Variants in CELF2 observed in about 807,000 individuals in gnomAD.
CELF2 encodes CUG triplet repeat RNA-binding protein 2.
CELF2 carries 8 observed loss-of-function variants against 62.6 expected under a neutral mutation model. The ratio of observed to expected loss-of-function variants is 0.13; its 90% CI spans 0.07 to 0.23. CELF2 has a LOEUF of 0.23. Ranked by LOEUF, CELF2 falls within the 10% of genes least tolerant of loss-of-function variation. The probability of loss-of-function intolerance (pLI) is 1.00; values close to 1 mark genes in which losing one functional copy is unlikely to be tolerated. For missense variants in CELF2, 333 were observed against 671.0 expected (o/e 0.50, Z 5.56); for synonymous variants, 258 against 250.0 (o/e 1.03, Z -0.30).
the CELF2 span, among the ~76,000 whole-genome samples, chr10:10,657,458 A>T: frequency 6.6e-6 from 1 of 152,202 alleles, no homozygotes; most frequent in Non-Finnish European, 1.5e-5. Context: ...CCAGCCCAGT[A>T]CTTTAAATGC....
At chr10:11,274,981 G>A in intron 7 of CELF2, 76 bp from the exon 8 acceptor site, 2 of 1,390,284 alleles carry the variant, frequency 1.4e-6, no homozygotes, top group South Asian at 1.2e-5. Flanking sequence ...AGAGTAAACT[G>A]AATTTGTCCC....
chr10:10,468,344 T>C, the CELF2 span, among the ~76,000 whole-genome samples: 1 of 152,050 alleles, frequency 6.6e-6, no homozygotes, highest in Non-Finnish European at 1.5e-5. Context: ...TTGCTGTAAT[T>C]GGACCACTTT....
chr10:10,675,075 T>G, the CELF2 span, among the ~76,000 whole-genome samples: 3 of 152,250 alleles, frequency 2.0e-5, no homozygotes, highest in African/African-American at 7.2e-5. Context: ...TTTTCTTTTT[T>G]GATGTGCTCC....
intron 2 of CELF2, among the ~76,000 whole-genome samples, chr10:11,205,896 A>G (rs896836183): frequency 6.6e-6 from 1 of 152,184 alleles, no homozygotes; most frequent in African/African-American, 2.4e-5. Context: ...AACAATCTAC[A>G]ATAAGTACAA....
At chr10:10,900,807 T>C (rs1040871414) in intron 1 of CELF2, among the ~76,000 whole-genome samples, 3 of 152,190 alleles carry the variant, frequency 2.0e-5, no homozygotes, top group East Asian at 3.8e-4. Context: ...GACAGCATGA[T>C]TGTCGATGTA....
intron 1 of CELF2, among the ~76,000 whole-genome samples, chr10:10,874,605 T>G (rs1454163352): frequency 6.6e-6 from 1 of 152,162 alleles, no homozygotes; most frequent in Non-Finnish European, 1.5e-5. Flanking sequence ...TTAAACAAAT[T>G]GTTAGTGTGA....
chr10:10,594,336 A>G, the CELF2 span, among the ~76,000 whole-genome samples: 2 of 152,148 alleles, frequency 1.3e-5, no homozygotes, highest in South Asian at 2.1e-4. Flanking sequence ...TATGAGAGGT[A>G]AGTTTGAGAT....
the CELF2 span, among the ~76,000 whole-genome samples, chr10:10,708,014 G>A: frequency 0.23 from 34,571 of 151,972 alleles, 4,162 homozygotes; most frequent in South Asian, 0.43. Flanking sequence ...TTCAGAGAAC[G>A]GTGACATTTC....
the CELF2 span, among the ~76,000 whole-genome samples, chr10:10,768,904 G>C: frequency 2.6e-5 from 4 of 152,078 alleles, no homozygotes; most frequent in Non-Finnish European, 5.9e-5. Context: ...TTCTACTAGA[G>C]TATGTGTCCC....
chr10:10,921,204 C>G (rs1219185020), intron 2 of CELF2, among the ~76,000 whole-genome samples: 1 of 152,106 alleles, frequency 6.6e-6, no homozygotes, highest in Non-Finnish European at 1.5e-5. Flanking sequence ...ATCCACCCGT[C>G]TCGGCCTCCC....
the CELF2 span, among the ~76,000 whole-genome samples, chr10:10,532,153 T>C: frequency 1.3e-5 from 2 of 152,244 alleles, no homozygotes; most frequent in South Asian, 2.1e-4. Context: ...TCTGTTACCA[T>C]TGGGTTTGAG....
intron 2 of CELF2, among the ~76,000 whole-genome samples, chr10:11,199,946 G>C (rs1374064406): frequency 1.3e-5 from 2 of 152,170 alleles, no homozygotes; most frequent in African/African-American, 4.8e-5. Flanking sequence ...ACCCAGATAT[G>C]CCCCGGCATT....
rs1323217503 is a variant in CELF2, at chr10:11,257,713, C to G, written c.404-25C>G. The G allele has an allele frequency of 3.1e-6, 5 of 1,610,002 alleles. No individual in the cohort carries two copies. In the South Asian group the frequency reaches 5.5e-5, roughly 18 times the overall value. ...AGAAAAAAAGATGAAATGGCCTTTG[C>G]TCATTCGTTATTTTTATCTCCTAGC... On this transcript the variant is annotated intron_variant, in intron 4 of 12. Coordinates refer to ENST00000633077, the MANE Select transcript of CELF2 (RefSeq NM_001326342.2).
intron 1 of CELF2, among the ~76,000 whole-genome samples, chr10:11,099,443 A>G (rs1361863870): frequency 5.3e-5 from 8 of 152,158 alleles, no homozygotes; most frequent in Admixed American, 2.6e-4. Flanking sequence ...ATTTAAAATG[A>G]CCTTGGGGTC....
At position 11,098,435 on chromosome 10, in the gene CELF2, C is replaced by A. The variant is rs1363942277; in HGVS notation, c.75-67051C>A. On this transcript the variant is annotated intron_variant, in intron 1 of 12. Coordinates refer to ENST00000633077, the MANE Select transcript of CELF2 (RefSeq NM_001326342.2). This position sits in a 1 kb window ranked among gnomAD's most constrained non-coding sequence, Gnocchi z 4.0. ...TAGGTCAGGCACATTGACGTGAGCT[C>A]AAACCCCCATGTACTGCAGAGGGAT... 6.6e-6 allele frequency: 1 copy of A among 152,090 alleles called. No individual in the cohort carries two copies. The allele number at this position is 152,090 out of a possible 1,614,324, so 9.4% of individuals were successfully genotyped here. A position where few individuals can be genotyped will look rare whatever the true frequency, so the allele number is the denominator to read the frequency against.
the CELF2 span, among the ~76,000 whole-genome samples, chr10:10,618,092 T>A: frequency 1.3e-5 from 2 of 152,062 alleles, no homozygotes; most frequent in Non-Finnish European, 2.9e-5. Context: ...CTACCCTCCA[T>A]CATCTCTTGC....
At position 11,087,229 on chromosome 10, in the gene CELF2, C is replaced by T. The variant is rs188070223; in HGVS notation, c.74+69066C>T. 9.5e-4 allele frequency among the ~76,000 whole-genome samples: 145 copies of T among 152,222 alleles called. 1 individual carries two copies. Among genetic ancestry groups the T allele is most frequent in the African/African-American group, 3.2e-3 (134 of 41,528 alleles). On this transcript the variant is annotated intron_variant, in intron 1 of 12. Transcript: ENST00000633077. ...GACCCCAGGAATGCTCTTCATATAC[C>T]GGCTCCCAAACTGAATGAACAATGT...
In CELF2 at chr10:11,237,608, T is replaced by C. The variant is rs377698074; in HGVS notation, c.355-11545T>C. ...AAGGGCTGCTTCAGCCCCACTAGCA[T>C]CTCCACACTGGGTGAGGGTTACAAG... On this transcript the variant is annotated intron_variant, in intron 3 of 12. Transcript: ENST00000633077. This position sits in a 1 kb window ranked among gnomAD's most constrained non-coding sequence, Gnocchi z 4.0. 6.6e-6 allele frequency among the ~76,000 whole-genome samples: 1 copy of C among 152,152 alleles called. No individual in the cohort carries two copies. Among genetic ancestry groups the C allele is most frequent in the African/African-American group, 2.4e-5 (1 of 41,432 alleles).
intron 9 of CELF2, among the ~76,000 whole-genome samples, chr10:11,303,003 G>A (rs1267916194): frequency 2.0e-5 from 3 of 152,142 alleles, no homozygotes; most frequent in Non-Finnish European, 4.4e-5. Flanking sequence ...AGGGTCTACA[G>A]AAACCCCCTT....
Sources: gnomAD v4.1 joint callset for allele counts (sites outside exome capture counted in the v4.1 genomes callset) on GRCh38, gnomAD v4.1.1 for gene constraint, Gnocchi (gnomAD v3.1) non-coding constraint, MANE v1.5 for transcripts, NCBI Gene and HGNC (gene_info 2026-07-23, HGNC 2026-07-21) for gene names.